Variants in SEPTIN11 observed in about 807,000 individuals in gnomAD.
SEPTIN11 encodes septin-11.
In SEPTIN11, 25 loss-of-function variants were observed where a neutral mutation model predicts 51.4. The observed-to-expected ratio is 0.49, with a 90% CI of 0.35 to 0.68. The LOEUF is 0.68. SEPTIN11 is among the 30% of genes least tolerant of loss of function. The pLI, the probability that SEPTIN11 is intolerant of heterozygous loss-of-function variation, is 0.00. For missense variants in SEPTIN11, 381 were observed against 520.8 expected (o/e 0.73, Z 2.61); for synonymous variants, 174 against 184.1 (o/e 0.95, Z 0.44).
At chr4:76,951,619 A>G (rs1201170973) in intron 1 of SEPTIN11, among the ~76,000 whole-genome samples, 1 of 152,204 alleles carries the variant, frequency 6.6e-6, no homozygotes, top group African/African-American at 2.4e-5. Flanking sequence ...ATAAATTGGC[A>G]AACGTTTAGG....
chr4:77,037,007 A>G lies in SEPTIN11; in HGVS notation c.*2495A>G. On this transcript the variant is annotated 3_prime_UTR_variant, in exon 10 of 10. Coordinates refer to ENST00000264893, the MANE Select transcript of SEPTIN11 (RefSeq NM_018243.4). ...AATATATTTAAAAGGCCACATTTAT[A>G]TTTTTTTCACAAGAACCACATAATA... is the stretch of plus-strand genomic sequence containing the variant. 8.0e-7 allele frequency: 1 copy of G among 1,252,564 alleles called. No homozygotes were observed. The highest frequency in any genetic ancestry group is 1.6e-5 in the African/African-American group (1 of 64,014). The allele number at this position is 1,252,564 out of a possible 1,614,324, so 77.6% of individuals were successfully genotyped here.
At chr4:76,986,041 C>CATCA (rs1723010214) in intron 1 of SEPTIN11, among the ~76,000 whole-genome samples, 1 of 152,042 alleles carries the variant, frequency 6.6e-6, no homozygotes, top group Non-Finnish European at 1.5e-5. Flanking sequence ...TAGAGGTATA[C>CATCA]ATCAGGGCAC....
At chr4:76,991,703 C>G (rs1006097263) in intron 1 of SEPTIN11, among the ~76,000 whole-genome samples, 6 of 152,230 alleles carry the variant, frequency 3.9e-5, no homozygotes, top group Non-Finnish European at 8.8e-5. Flanking sequence ...CTCCTCCATG[C>G]CTTCCCGTAG....
At position 76,966,076 on chromosome 4, in the gene SEPTIN11, A is replaced by T. The variant is rs1234158151; in HGVS notation, c.27+16146A>T. Reference sequence around the variant, plus strand: ...CCTTTGTGTTCCCTTAGGCTTTGTTAACTATGTTCCTGGGAGAGAAGGAAA... The same window carrying T: ...CCTTTGTGTTCCCTTAGGCTTTGTTTACTATGTTCCTGGGAGAGAAGGAAA... On this transcript the variant is annotated intron_variant, in intron 1 of 9. Coordinates refer to ENST00000264893, the MANE Select transcript of SEPTIN11 (RefSeq NM_018243.4). 3.3e-5 allele frequency among the ~76,000 whole-genome samples: 5 copies of T among 152,286 alleles called. No homozygotes were observed. In the East Asian group the frequency reaches 7.7e-4, roughly 23 times the overall value.
chr4:76,995,953 G>A (rs1158142419), intron 1 of SEPTIN11: 2 of 1,535,014 alleles, frequency 1.3e-6, no homozygotes, highest in Non-Finnish European at 1.7e-6. Context: ...GTAGAGCATT[G>A]TCATCATTGT....
At chr4:76,990,658 C>T (rs565336112) in intron 1 of SEPTIN11, among the ~76,000 whole-genome samples, 7 of 152,268 alleles carry the variant, frequency 4.6e-5, no homozygotes, top group African/African-American at 4.8e-5. Context: ...TGAGGTAGAG[C>T]GGTTTCATCC....
chr4:76,958,889 T>C, intron 1 of SEPTIN11: 1 of 1,495,786 alleles, frequency 6.7e-7, no homozygotes, highest in Non-Finnish European at 9.3e-7. Context: ...TTCAAGCTTT[T>C]CCTTATTGGC....
At chr4:76,981,320 T>C (rs1722760542) in intron 1 of SEPTIN11, among the ~76,000 whole-genome samples, 1 of 152,202 alleles carries the variant, frequency 6.6e-6, no homozygotes, top group Admixed American at 6.5e-5. Flanking sequence ...TGGAGAGGAC[T>C]GTGGGAACAT....
intron 3 of SEPTIN11, among the ~76,000 whole-genome samples, chr4:77,011,110 G>A (rs1432191942): frequency 6.6e-6 from 1 of 152,202 alleles, no homozygotes; most frequent in Non-Finnish European, 1.5e-5. Context: ...TCAGTTCCTA[G>A]ATGAGTTATG....
chr4:76,995,795 C>T, intron 1 of SEPTIN11: 6 of 1,528,048 alleles, frequency 3.9e-6, no homozygotes, highest in South Asian at 1.2e-5. Context: ...CATCGGTAAA[C>T]TCTGCAAAAC....
chr4:76,967,026 G>A (rs529097969), intron 1 of SEPTIN11, among the ~76,000 whole-genome samples: 1 of 151,846 alleles, frequency 6.6e-6, no homozygotes, highest in South Asian at 2.1e-4. Context: ...GCAAAACCGT[G>A]TCTCTACTAA....
Position 77,011,745 on chromosome 4 carries a change from A to G in SEPTIN11, c.349A>G (p.Ile117Val), listed in dbSNP as rs767777730. 6.2e-6 allele frequency: 10 copies of G among 1,614,030 alleles called. No homozygotes were observed. The highest frequency in any genetic ancestry group is 8.5e-6 in the Non-Finnish European group (10 of 1,179,882). The change falls in exon 4 of 10, where the codon ATA becomes GTA. Residue 117 changes from isoleucine (I) to valine (V), a missense_variant. Coordinates refer to ENST00000264893, the MANE Select transcript of SEPTIN11 (RefSeq NM_018243.4). ...QINKDDSYKPIVEYIDAQFEA... is the reference protein window; with the variant it reads ...QINKDDSYKPVVEYIDAQFEA... ...GTTTCTGCATTCTAGCTATAAGCCG[A>G]TAGTAGAATATATTGATGCCCAGTT...
chr4:77,011,290 T>C (rs1278705826), intron 3 of SEPTIN11, among the ~76,000 whole-genome samples: 1 of 152,128 alleles, frequency 6.6e-6, no homozygotes, highest in East Asian at 1.9e-4. Context: ...ACAGTCACTT[T>C]TCTGAGATGG....
intron 1 of SEPTIN11, among the ~76,000 whole-genome samples, chr4:76,961,552 G>A (rs563822791): frequency 1.3e-5 from 2 of 152,016 alleles, no homozygotes; most frequent in Non-Finnish European, 2.9e-5. Flanking sequence ...AATACACCTC[G>A]CCTACTGAAC....
At chr4:76,975,158 A>G (rs1370112507) in intron 1 of SEPTIN11, among the ~76,000 whole-genome samples, 2 of 151,868 alleles carry the variant, frequency 1.3e-5, no homozygotes, top group Admixed American at 1.3e-4. Context: ...AAAGAAATGT[A>G]AGCCCTTTTA....
intron 1 of SEPTIN11, among the ~76,000 whole-genome samples, chr4:76,960,124 G>A (rs968423614): frequency 6.6e-6 from 1 of 152,162 alleles, no homozygotes; most frequent in East Asian, 1.9e-4. Flanking sequence ...TGGAAACTAC[G>A]TAAACCAAGC....
intron 2 of SEPTIN11, among the ~76,000 whole-genome samples, chr4:77,002,723 AGG>A (rs1724201192): frequency 6.6e-6 from 1 of 151,462 alleles, no homozygotes. Context: ...AAACTCTTTC[AGG>A]TTAGGGAGCA....
At chr4:76,974,842 G>T (rs1209680008) in intron 1 of SEPTIN11, 1 of 456,660 alleles carries the variant, frequency 2.2e-6, no homozygotes, top group East Asian at 7.0e-5. Context: ...TGAGCGCTTG[G>T]GTGGGTGTGG....
At chr4:76,965,721 G>A (rs935782986) in intron 1 of SEPTIN11, among the ~76,000 whole-genome samples, 10 of 152,142 alleles carry the variant, frequency 6.6e-5, no homozygotes, top group African/African-American at 2.4e-4. Context: ...CATAAAGCAA[G>A]AATTGTTGCT....
Sources: allele counts gnomAD v4.1 joint callset (sites outside exome capture counted in the v4.1 genomes callset), GRCh38; gene constraint gnomAD v4.1.1; transcripts MANE v1.5; gene names NCBI Gene and HGNC (gene_info 2026-07-23, HGNC 2026-07-21).